DNAH8: variants seen among roughly 807,000 people sequenced by gnomAD.
The protein encoded by DNAH8 is axonemal beta dynein heavy chain 8.
DNAH8 carries 382 observed loss-of-function variants against 562.1 expected under a neutral mutation model. The observed-to-expected ratio is 0.68, with a 90% CI of 0.63 to 0.74. DNAH8 has a LOEUF of 0.74. Ranked by LOEUF, DNAH8 falls within the 30% of genes least tolerant of loss-of-function variation. The pLI is 0.00. For synonymous variants in DNAH8, 1,881 were observed against 1,919.4 expected, an observed-to-expected ratio of 0.98 and a Z score of 0.52; for missense variants, 5,203 against 5,620.4, an observed-to-expected ratio of 0.93 and a Z score of 2.37.
Position 38,875,643 on chromosome 6 carries a change from C to G in DNAH8, c.7673C>G (p.Ser2558Cys). 1.2e-6 allele frequency: 2 copies of G among 1,613,560 alleles called. No individual in the cohort carries two copies. The highest frequency in any genetic ancestry group is 1.7e-6 in the Non-Finnish European group (2 of 1,179,672). Residue 2558 changes from serine (S) to cysteine (C), a missense_variant, in exon 53 of 93, where the codon TCC (serine) becomes TGC (cysteine). Physicochemically the swap from Ser to Cys is moderately radical, Grantham distance 112. This residue lies in a region of DNAH8 where 977 missense variants were observed against 1,061.8 expected (regional missense o/e 0.92). Transcript: ENST00000327475. Reference sequence around the variant, plus strand: ...CCCTCCAAAGAAGAAGGCGGTGTTTCCTGTGTCGAACATCTTCATAAATTA... The same window carrying G: ...CCCTCCAAAGAAGAAGGCGGTGTTTGCTGTGTCGAACATCTTCATAAATTA... ...LIPSKEEGGV[S>C]CVEHLHKLFV...
At chr6:38,878,936 C>T (rs896553883) in intron 53 of DNAH8, among the ~76,000 whole-genome samples, 7 of 152,042 alleles carry the variant, frequency 4.6e-5, no homozygotes, top group Admixed American at 2.0e-4. Context: ...TACGTTAATT[C>T]GCTTGTAATA....
intron 37 of DNAH8, among the ~76,000 whole-genome samples, chr6:38,849,834 C>G (rs892569781): frequency 6.6e-6 from 1 of 151,766 alleles, no homozygotes; most frequent in Non-Finnish European, 1.5e-5. Flanking sequence ...TTTTCCCCGC[C>G]TTGGGGTACT....
chr6:38,868,259 C>T, intron 48 of DNAH8, 63 bp downstream of exon 48: 1 of 1,492,262 alleles, frequency 6.7e-7, no homozygotes. Flanking sequence ...ATTTGGTGGA[C>T]AAGTAGAGGT....
At position 38,729,943 on chromosome 6, in the gene DNAH8, GA is replaced by G; in HGVS notation, c.568del (p.Thr190HisfsTer2). 6.2e-7 allele frequency: 1 copy of G among 1,601,010 alleles called. No homozygotes were observed. Among genetic ancestry groups the G allele is most frequent in the Non-Finnish European group, 8.5e-7 (1 of 1,171,354 alleles). On this transcript the variant is annotated frameshift_variant, in exon 4 of 93. Transcript: ENST00000327475. LOFTEE classifies it high-confidence loss of function. ...TNFFAKDGCKTLKFLYQEGDV... is the reference protein window; with the variant it reads ...TNFFAKDGCKXLKFLYQEGDV... Reference sequence around the variant, plus strand: ...ATTTTTTTGCGAAAGATGGTTGTAAGACACTGAAATTTTTGTACCAAGAAGG... The same window carrying G: ...ATTTTTTTGCGAAAGATGGTTGTAAGCACTGAAATTTTTGTACCAAGAAGG...
intron 61 of DNAH8, 128 bp downstream of exon 61, chr6:38,898,508 G>A: frequency 1.5e-6 from 1 of 673,842 alleles, no homozygotes; most frequent in Non-Finnish European, 2.1e-6. Flanking sequence ...ACATAGGTTG[G>A]GTCAATTCAC....
In DNAH8 at chr6:38,980,136, G is replaced by T. The variant is rs546654013; in HGVS notation, c.12835-2210G>T. Among the ~76,000 whole-genome samples, 176 of 152,096 alleles carry T rather than the reference G, an allele frequency of 1.2e-3. 2 individuals are homozygous for T. The highest frequency in any genetic ancestry group is 2.0e-3 in the Non-Finnish European group (137 of 68,012). ...CAAACACTGGGTGAGCCTCAGCATTGACCTCTTACAGAGAAAGGGTTCCTT... is the reference window on the plus strand; with the variant it reads ...CAAACACTGGGTGAGCCTCAGCATTTACCTCTTACAGAGAAAGGGTTCCTT... On this transcript the variant is annotated intron_variant, in intron 85 of 92. Transcript: ENST00000327475.
chr6:38,905,460 T>C (rs1780379196), intron 62 of DNAH8, among the ~76,000 whole-genome samples: 1 of 152,240 alleles, frequency 6.6e-6, no homozygotes, highest in South Asian at 2.1e-4. Flanking sequence ...CTGTGGGTTT[T>C]CTTTGTATCT....
intron 88 of DNAH8, among the ~76,000 whole-genome samples, chr6:38,991,528 C>G (rs1764787874): frequency 1.3e-5 from 2 of 152,204 alleles, no homozygotes; most frequent in Non-Finnish European, 2.9e-5. Flanking sequence ...CAGACCACAT[C>G]AACCCCTGCT....
At chr6:38,867,227 GTA>G (rs1223570739) in intron 47 of DNAH8, among the ~76,000 whole-genome samples, 9 of 113,250 alleles carry the variant, frequency 7.9e-5, no homozygotes, top group South Asian at 3.1e-4. Flanking sequence ...ACTGGTGTGT[GTA>G]TATGTGTGTG....
At chr6:38,946,436 A>G (rs1027965166) in intron 80 of DNAH8, among the ~76,000 whole-genome samples, 3 of 152,376 alleles carry the variant, frequency 2.0e-5, no homozygotes, top group Non-Finnish European at 2.9e-5. Context: ...TCTGGGTTCC[A>G]TCTGTGGATA....
Position 38,741,614 on chromosome 6 carries a change from A to G in DNAH8, c.1117-97A>G, listed in dbSNP as rs1440228178. 9 of 1,041,790 alleles carry G rather than the reference A, an allele frequency of 8.6e-6. No homozygotes were observed. The South Asian group carries it at 1.1e-4, about 13-fold the overall frequency. The allele number at this position is 1,041,790 out of a possible 1,614,324, so 64.5% of individuals were successfully genotyped here. A position where few individuals can be genotyped will look rare whatever the true frequency, so the allele number is the denominator to read the frequency against. ...TTTTAAACATTATTTGGTATTGAAC[A>G]TTATTTATACTTTCAGCTGCCTTCA... On this transcript the variant is annotated intron_variant, in intron 7 of 92. Transcript: ENST00000327475.
At chr6:38,785,216 G>A (rs1769032415) in intron 17 of DNAH8, among the ~76,000 whole-genome samples, 1 of 152,168 alleles carries the variant, frequency 6.6e-6, no homozygotes, top group South Asian at 2.1e-4. Flanking sequence ...TGCTCTGGAA[G>A]GCTTCCTTTG....
rs372391866 is a variant in DNAH8 at position 38,908,137 on chromosome 6, A to G, written c.9513+17A>G. The stretch of plus-strand genomic sequence containing the variant: ...TTTTCTCCAGTAAGTTTTTATTTTT[A>G]TTTATATCTACGTAGAAAGAGTTCC... On this transcript the variant is annotated intron_variant, in intron 64 of 92. Coordinates refer to ENST00000327475, the MANE Select transcript of DNAH8 (RefSeq NM_001206927.2). 1.4e-6 allele frequency: 2 copies of G among 1,479,904 alleles called. No individual in the cohort carries two copies. Among genetic ancestry groups the G allele is most frequent in the Admixed American group, 2.1e-5 (1 of 48,656 alleles). The allele number at this position is 1,479,904 out of a possible 1,614,324, so 91.7% of individuals were successfully genotyped here.
intron 77 of DNAH8, chr6:38,936,306 T>G (rs1187010461): frequency 1.3e-5 from 2 of 152,170 alleles, no homozygotes; most frequent in Non-Finnish European, 2.9e-5. Context: ...CTACTTGGCT[T>G]GACCTCCCAC....
At chr6:38,776,570 A>G (rs72849189) in intron 13 of DNAH8, among the ~76,000 whole-genome samples, 18,648 of 152,192 alleles carry the variant, frequency 0.12, 1,392 homozygotes, top group Admixed American at 0.22. Context: ...CTAGGAGCAC[A>G]AGAGAGCATT....
At chr6:38,785,959 T>C (rs1350338253) in intron 17 of DNAH8, among the ~76,000 whole-genome samples, 1 of 152,164 alleles carries the variant, frequency 6.6e-6, no homozygotes, top group Non-Finnish European at 1.5e-5. Context: ...AACAAAACAA[T>C]GTGAGGTTTG....
chr6:38,815,737 T>A, intron 26 of DNAH8, 80 bp downstream of exon 26: 2 of 1,250,074 alleles, frequency 1.6e-6, no homozygotes, highest in Non-Finnish European at 2.2e-6. Context: ...TTATTTTATA[T>A]GTTTGATACC....
At position 38,926,115 on chromosome 6, in the gene DNAH8, A is replaced by G. The variant is rs965246460; in HGVS notation, c.11023A>G (p.Ile3675Val). 2 of 1,613,754 alleles carry G rather than the reference A, an allele frequency of 1.2e-6. No homozygotes were observed. The highest frequency in any genetic ancestry group is 2.7e-5 in the African/African-American group (2 of 74,900). The change falls in exon 74 of 93, where the codon ATT becomes GTT. Residue 3675 changes from isoleucine to valine, a missense_variant. By Grantham distance (29) the Ile-to-Val change is conservative. This residue lies in a region of DNAH8 where 1,399 missense variants were observed against 1,518.4 expected (regional missense o/e 0.92). Coordinates refer to ENST00000327475, the MANE Select transcript of DNAH8 (RefSeq NM_001206927.2). ...TGATCTCTCAATTCAGAATGGCATT[A>G]TTGTGACAAAGGCCACCAGATACCC... ...GDDLSIQNGI[I>V]VTKATRYPLL...
Position 38,899,893 on chromosome 6 carries a change from A to G in DNAH8, c.9181A>G (p.Ile3061Val). ...TATTGCTGGCTATCAAATATTCCAG[A>G]TAACATTAACCAGGTAGGATGAAAT... ...SFIAGYQIFQ[I>V]TLTRSYNVTN... is the part of the protein sequence containing the mutation. Residue 3061 changes from isoleucine to valine, a missense_variant, in exon 62 of 93, where the codon ATA becomes GTA. This residue lies in a region of DNAH8 where 977 missense variants were observed against 1,061.8 expected (regional missense o/e 0.92). Coordinates refer to ENST00000327475, the MANE Select transcript of DNAH8 (RefSeq NM_001206927.2). 1.2e-6 allele frequency: 2 copies of G among 1,602,168 alleles called. No homozygotes were observed. Among genetic ancestry groups the G allele is most frequent in the African/African-American group, 1.3e-5 (1 of 74,362 alleles).
Sources: allele counts gnomAD v4.1 joint callset (sites outside exome capture counted in the v4.1 genomes callset), GRCh38; gene constraint gnomAD v4.1.1; regional missense constraint gnomAD v4.1.1; transcripts MANE v1.5; gene names NCBI Gene and HGNC (gene_info 2026-07-23, HGNC 2026-07-21).